KCNIP1: variants seen among roughly 807,000 people sequenced by gnomAD.
The protein encoded by KCNIP1 is A-type potassium channel modulatory protein KCNIP1.
In KCNIP1, 18 loss-of-function variants were observed where a neutral mutation model predicts 33.0. That is an observed-to-expected ratio of 0.55 (90% CI 0.38 to 0.81). The LOEUF is 0.81. Among genes scored for constraint, KCNIP1 ranks in the 30% least tolerant of loss-of-function variants. KCNIP1 has a pLI of 0.00. For synonymous variants in KCNIP1, 93 were observed against 98.3 expected (o/e 0.95, Z 0.32); for missense variants, 238 against 271.6 (o/e 0.88, Z 0.87).
intron 1 of KCNIP1, among the ~76,000 whole-genome samples, chr5:170,659,084 C>A (rs771343449): frequency 6.6e-6 from 1 of 152,200 alleles, no homozygotes; most frequent in Non-Finnish European, 1.5e-5. Context: ...GTCCTGACTG[C>A]TCAAGGACCA....
chr5:170,637,121 G>A (rs186660896), intron 1 of KCNIP1, among the ~76,000 whole-genome samples: 2 of 152,254 alleles, frequency 1.3e-5, no homozygotes, highest in Admixed American at 6.5e-5. Flanking sequence ...TATGACAACA[G>A]CATCGATTCC....
At chr5:170,682,790 T>TTTATC (rs1410478109) in intron 1 of KCNIP1, among the ~76,000 whole-genome samples, 1 of 128,398 alleles carries the variant, frequency 7.8e-6, no homozygotes, top group Non-Finnish European at 1.6e-5. Flanking sequence ...GTTTCTTTTT[T>TTTATC]TTTTTTTTTT....
chr5:170,513,347 C>T (rs1755010925), intron 1 of KCNIP1, among the ~76,000 whole-genome samples: 1 of 152,150 alleles, frequency 6.6e-6, no homozygotes, highest in Non-Finnish European at 1.5e-5. Flanking sequence ...GAACCCCAGC[C>T]CTGGTCATCT....
chr5:170,508,844 T>C (rs569368994), intron 1 of KCNIP1, among the ~76,000 whole-genome samples: 88 of 152,280 alleles, frequency 5.8e-4, no homozygotes, highest in African/African-American at 2.1e-3. Context: ...CATATTCTTT[T>C]AAGGTGTACA....
chr5:170,478,605 G>A (rs532078214), intron 1 of KCNIP1, among the ~76,000 whole-genome samples: 17 of 152,144 alleles, frequency 1.1e-4, no homozygotes, highest in Non-Finnish European at 1.9e-4. Flanking sequence ...CAGTTTCCCC[G>A]GGGAACCATC....
chr5:170,717,845 A>G (rs1432847225), intron 1 of KCNIP1, among the ~76,000 whole-genome samples: 1 of 152,226 alleles, frequency 6.6e-6, no homozygotes, highest in Admixed American at 6.5e-5. Flanking sequence ...TGGATTTGGT[A>G]ATATCTGCAT....
intron 1 of KCNIP1, among the ~76,000 whole-genome samples, chr5:170,388,739 T>C (rs1246921703): frequency 6.6e-6 from 1 of 152,204 alleles, no homozygotes; most frequent in Non-Finnish European, 1.5e-5. Context: ...CTCTGCCACT[T>C]ACACTTAGCA....
At chr5:170,479,861 T>C (rs1756939352) in intron 1 of KCNIP1, among the ~76,000 whole-genome samples, 1 of 152,250 alleles carries the variant, frequency 6.6e-6, no homozygotes, top group Non-Finnish European at 1.5e-5. Context: ...AATATTCCTC[T>C]TGACATTCGA....
chr5:170,483,808 C>A (rs1294959111), intron 1 of KCNIP1: 2 of 152,182 alleles, frequency 1.3e-5, no homozygotes, highest in African/African-American at 2.4e-5. Context: ...AGTCAGGGAG[C>A]TTTCAGTCTA....
Position 170,578,383 on chromosome 5 carries a change from G to T in KCNIP1, c.61+73750G>T, listed in dbSNP as rs971960720. Among the ~76,000 whole-genome samples the T allele has an allele frequency of 3.3e-5, 5 of 152,290 alleles. No homozygotes were observed. The East Asian group carries it at 5.8e-4, about 18-fold the overall frequency. On this transcript the variant is annotated intron_variant, in intron 1 of 7. Transcript: ENST00000328939. Reference sequence around the variant, plus strand: ...AGGGACAGAAGTGGAGGGTGGGAGTGGGGGAACTGGCCTTGCCTGAGTGTA... The same window carrying T: ...AGGGACAGAAGTGGAGGGTGGGAGTTGGGGAACTGGCCTTGCCTGAGTGTA...
intron 1 of KCNIP1, among the ~76,000 whole-genome samples, chr5:170,634,108 T>TGCAGGGTTATTGGTCTGA (rs892537433): frequency 1.5e-3 from 225 of 152,224 alleles, no homozygotes; most frequent in African/African-American, 5.0e-3. Context: ...CCGGAATGAC[T>TGCAGGGTTATTGGTCTGA]GCAGGGTTAT....
chr5:170,639,536 G>A (rs765510847), intron 1 of KCNIP1: 3 of 152,170 alleles, frequency 2.0e-5, no homozygotes, highest in African/African-American at 4.8e-5. Flanking sequence ...CCCTCCAAAC[G>A]CGCTGTTCTC....
intron 1 of KCNIP1, among the ~76,000 whole-genome samples, chr5:170,373,965 C>T (rs1763918596): frequency 6.6e-6 from 1 of 152,132 alleles, no homozygotes; most frequent in African/African-American, 2.4e-5. Flanking sequence ...TGGTGAGGTA[C>T]AGGAAGGTGG....
upstream of KCNIP1, among the ~76,000 whole-genome samples, chr5:170,501,552 A>G (rs1248957295): frequency 6.6e-6 from 1 of 152,210 alleles, no homozygotes; most frequent in East Asian, 1.9e-4. Context: ...GCTATTTCTG[A>G]TCTGCAAAAT....
intron 1 of KCNIP1, among the ~76,000 whole-genome samples, chr5:170,404,544 C>T (rs1296340344): frequency 6.6e-6 from 1 of 152,082 alleles, no homozygotes; most frequent in Non-Finnish European, 1.5e-5. Context: ...GGTTGCCTGG[C>T]TATCATGGGT....
chr5:170,463,849 G>T (rs997778585), intron 1 of KCNIP1, among the ~76,000 whole-genome samples: 3 of 152,088 alleles, frequency 2.0e-5, no homozygotes, highest in African/African-American at 7.2e-5. Context: ...GAAATAAAAT[G>T]AACTCAAATT....
chr5:170,452,381 A>G (rs1318306503), intron 1 of KCNIP1, among the ~76,000 whole-genome samples: 9 of 152,216 alleles, frequency 5.9e-5, no homozygotes, highest in African/African-American at 2.2e-4. Context: ...ACAGAATTCA[A>G]TATGAAACTC....
rs1035516222 is a variant in KCNIP1, at chr5:170,703,091, C to T, written c.62-15667C>T. On this transcript the variant is annotated intron_variant, in intron 1 of 7. Coordinates refer to ENST00000328939, the MANE Select transcript of KCNIP1 (RefSeq NM_014592.4). ...CTCGACACACGTGATATTAGCAGCA[C>T]GGTACATTTAAGGACACGGCTTGAT... Among the ~76,000 whole-genome samples, 18 of 137,600 alleles carry T rather than the reference C, an allele frequency of 1.3e-4. 3 individuals are homozygous for T. The highest frequency in any genetic ancestry group is 4.3e-4 in the African/African-American group (16 of 37,486). 90.3% of individuals were successfully genotyped at this position (137,600 alleles called of 152,430 possible). A position where few individuals can be genotyped will look rare whatever the true frequency, so the allele number is the denominator to read the frequency against.
At chr5:170,654,325 C>G (rs989823732) in intron 1 of KCNIP1, among the ~76,000 whole-genome samples, 2 of 152,144 alleles carry the variant, frequency 1.3e-5, no homozygotes, top group Non-Finnish European at 2.9e-5. Context: ...GGGGGATGCT[C>G]CAAGCGGTAA....
Sources: allele counts gnomAD v4.1 joint callset (sites outside exome capture counted in the v4.1 genomes callset), GRCh38; gene constraint gnomAD v4.1.1; transcripts MANE v1.5; gene names NCBI Gene and HGNC (gene_info 2026-07-23, HGNC 2026-07-21).